Variants in PTGDS observed in about 807,000 individuals in gnomAD.
PTGDS encodes the protein prostaglandin-H2 D-isomerase.
Under a neutral mutation model 28.4 loss-of-function variants are expected in PTGDS, and 21 were observed. That is an observed-to-expected ratio of 0.74 (90% confidence interval 0.52 to 1.07). PTGDS has a LOEUF of 1.07. PTGDS is among the 50% of genes least tolerant of loss of function. The pLI, the probability that PTGDS is intolerant of heterozygous loss-of-function variation, is 0.00. For synonymous variants in PTGDS, 102 were observed against 106.0 expected (o/e 0.96, Z 0.23); for missense variants, 243 against 247.7 (o/e 0.98, Z 0.13).
chr9:136,978,745 G>A, intron 1 of PTGDS: 1 of 445,698 alleles, frequency 2.2e-6, no homozygotes, highest in Non-Finnish European at 4.1e-6. Flanking sequence ...CTGGGGCGGG[G>A]ATGTGAGGGG....
intron 1 of PTGDS, 146 bp downstream of exon 1, chr9:136,977,838 G>T: frequency 1.4e-6 from 1 of 702,986 alleles, no homozygotes. Context: ...GGGCGCGCAG[G>T]AAGGAGGCTG....
chr9:136,979,358 G>T, intron 3 of PTGDS, 59 bp downstream of exon 3: 1 of 1,584,938 alleles, frequency 6.3e-7, no homozygotes, highest in Non-Finnish European at 8.6e-7. Flanking sequence ...TTGCCGGGAC[G>T]ACTCTGGGCC....
At chr9:136,978,218 A>C (rs1830395482) in intron 1 of PTGDS, among the ~76,000 whole-genome samples, 1 of 152,130 alleles carries the variant, frequency 6.6e-6, no homozygotes, top group South Asian at 2.1e-4. Context: ...AGCGGTCCGC[A>C]GAGCTGAGCC....
chr9:136,980,379 C>G, intron 5 of PTGDS, 95 bp downstream of exon 5: 1 of 1,357,202 alleles, frequency 7.4e-7, no homozygotes, highest in South Asian at 1.3e-5. Context: ...GAGGAGGTGG[C>G]CCCGCCCTGC....
At chr9:136,979,873 G>A (rs1830426955) in intron 3 of PTGDS, 73 bp from the exon 4 acceptor site, 2 of 1,397,042 alleles carry the variant, frequency 1.4e-6, no homozygotes, top group Admixed American at 1.7e-5. Context: ...GCCCACAGGT[G>A]CACCCCTTCC....
At chr9:136,979,875 A>T (rs1588487372) in intron 3 of PTGDS, 71 bp from the exon 4 acceptor site, 1 of 1,420,402 alleles carries the variant, frequency 7.0e-7, no homozygotes. Context: ...CCACAGGTGC[A>T]CCCCTTCCCT....
rs1179218892 is a variant in PTGDS, at chr9:136,979,310, C to A, written c.331+11C>A. 4 of 1,604,938 alleles carry A rather than the reference C, an allele frequency of 2.5e-6. No homozygotes were observed. The highest frequency in any genetic ancestry group is 3.4e-6 in the Non-Finnish European group (4 of 1,176,210). The stretch of plus-strand genomic sequence containing the variant: ...GCTACCGGAGTCCCCGTGAGTGGGG[C>A]CTCCACCGGCCCCCTGGGCCCAGCC... On this transcript the variant is annotated intron_variant, in intron 3 of 6. Coordinates refer to ENST00000371625, the MANE Select transcript of PTGDS (RefSeq NM_000954.6).
At chr9:136,981,031 A>G (rs1830442882) in intron 6 of PTGDS, 176 bp downstream of exon 6, 2 of 884,856 alleles carry the variant, frequency 2.3e-6, no homozygotes, top group South Asian at 1.8e-5. Flanking sequence ...GGCTGCCCAC[A>G]TTGATGGGTG....
At chr9:136,979,680 C>T (rs780976453) in intron 3 of PTGDS, 565 of 607,648 alleles carry the variant, frequency 9.3e-4, no homozygotes, top group Non-Finnish European at 1.4e-3. Context: ...AACCTCTTCA[C>T]TTCCGGTTCT....
chr9:136,979,044 C>G lies in PTGDS; in HGVS notation c.166C>G (p.Arg56Gly). The G allele has an allele frequency of 1.2e-6, 2 of 1,608,602 alleles. No individual in the cohort carries two copies. Among genetic ancestry groups the G allele is most frequent in the Non-Finnish European group, 1.7e-6 (2 of 1,177,454 alleles). ...CCTCGCCTCCAACTCGAGCTGGCTC[C>G]GGGAGAAGAAGGCGGCGTTGTCCAT... Reference protein sequence around the residue: ...AGLASNSSWLREKKAALSMCK... With the variant: ...AGLASNSSWLGEKKAALSMCK... The change falls in exon 2 of 7, where the codon CGG (arginine) becomes GGG (glycine). Residue 56 changes from arginine (R) to glycine (G), a missense_variant. By Grantham distance (125) the Arg-to-Gly change is moderately radical. Coordinates refer to ENST00000371625, the MANE Select transcript of PTGDS (RefSeq NM_000954.6).
intron 1 of PTGDS, chr9:136,978,774 C>A (rs1430503107): frequency 8.7e-6 from 4 of 460,578 alleles, no homozygotes; most frequent in Non-Finnish European, 3.7e-6. Flanking sequence ...GCTCCTGGGG[C>A]GGAGATGTGA....
Position 136,980,813 on chromosome 9 carries a change from C to T in PTGDS, c.551-20C>T, listed in dbSNP as rs1394516053. ...TAAGTCTGGGGTTCTGACGACAGCC[C>T]CTGGCTTCTTTCTTGGCAGATAAGT... is the stretch of plus-strand genomic sequence containing the variant. On this transcript the variant is annotated intron_variant, in intron 5 of 6. Transcript: ENST00000371625. 2 of 1,613,942 alleles carry T rather than the reference C, an allele frequency of 1.2e-6. No individual in the cohort carries two copies. The highest frequency in any genetic ancestry group is 1.7e-4 in the Middle Eastern group (1 of 6,060).
intron 1 of PTGDS, among the ~76,000 whole-genome samples, 171 bp downstream of exon 1, chr9:136,977,863 G>A (rs574472476): frequency 7.0e-6 from 1 of 142,032 alleles, no homozygotes; most frequent in Admixed American, 7.4e-5. Context: ...GCCGCCCGAG[G>A]AGGCTGCCCG....
chr9:136,980,141 A>G, intron 4 of PTGDS, 42 bp from the exon 5 acceptor site: 1 of 1,610,166 alleles, frequency 6.2e-7, no homozygotes. Flanking sequence ...GGCACACAGC[A>G]TCCCCCCCGC....
rs1322299435 is a variant in PTGDS at position 136,979,597 on chromosome 9, G to A, written c.331+298G>A. ...GCAGCCCCCCAAGGCCCCTCCATAT[G>A]CCTCCTCCCAATTCTCCTCCCCAGG... On this transcript the variant is annotated intron_variant, in intron 3 of 6. Transcript: ENST00000371625. 1.5e-5 allele frequency: 12 copies of A among 780,160 alleles called. No homozygotes were observed. In the African/African-American group the frequency reaches 2.1e-4, roughly 14 times the overall value. 48.3% of individuals were successfully genotyped at this position (780,160 alleles called of 1,614,324 possible).
At chr9:136,978,564 T>C (rs1387494253) in intron 1 of PTGDS, among the ~76,000 whole-genome samples, 1 of 62,130 alleles carries the variant, frequency 1.6e-5, no homozygotes, top group Non-Finnish European at 3.0e-5. Flanking sequence ...CGTGGTCAGC[T>C]CCTGGGGCGG....
chr9:136,978,801 C>T, intron 1 of PTGDS, 192 bp from the exon 2 acceptor site: 1 of 619,744 alleles, frequency 1.6e-6, no homozygotes, highest in Non-Finnish European at 2.5e-6. Context: ...GGGTCATCTC[C>T]TGGGGCGGGG....
intron 3 of PTGDS, 127 bp from the exon 4 acceptor site, chr9:136,979,819 T>C: frequency 1.1e-6 from 1 of 883,884 alleles, no homozygotes. Flanking sequence ...AGCAGCCGGG[T>C]GGGGGAGCAT....
Position 136,979,236 on chromosome 9 carries a change from G to A in PTGDS, c.268G>A (p.Glu90Lys), listed in dbSNP as rs192576424. The change falls in exon 3 of 7, where the codon GAG (glutamate) becomes AAG (lysine). Residue 90 changes from glutamate to lysine, a missense_variant. By Grantham distance (56) the Glu-to-Lys change is moderately conservative. Transcript: ENST00000371625. ...ACCCACCTACAGGAAAAACCAGTGT[G>A]AGACCCGAACCATGCTGCTGCAGCC... ...TSTFLRKNQC[E>K]TRTMLLQPAG... is the part of the protein sequence containing the mutation. 14 of 1,612,996 alleles carry A rather than the reference G, an allele frequency of 8.7e-6. No individual in the cohort carries two copies. The highest frequency in any genetic ancestry group is 8.0e-5 in the African/African-American group (6 of 75,010).
Sources: gnomAD v4.1 joint callset for allele counts (sites outside exome capture counted in the v4.1 genomes callset) on GRCh38, gnomAD v4.1.1 for gene constraint, MANE v1.5 for transcripts, NCBI Gene and HGNC (gene_info 2026-07-23, HGNC 2026-07-21) for gene names.